Variants in CCDC88C observed in about 807,000 individuals in gnomAD.
CCDC88C encodes protein Daple.
Under a neutral mutation model 198.8 loss-of-function variants are expected in CCDC88C, and 131 were observed. That is an observed-to-expected ratio of 0.66 (90% confidence interval 0.57 to 0.76). CCDC88C has a LOEUF of 0.76. CCDC88C is among the 30% of genes least tolerant of loss of function. The pLI, the probability that CCDC88C is intolerant of heterozygous loss-of-function variation, is 0.00. For synonymous variants in CCDC88C, 1,166 were observed against 1,114.7 expected, an observed-to-expected ratio of 1.05 and a Z score of -0.92; for missense variants, 2,553 against 2,631.6, an observed-to-expected ratio of 0.97 and a Z score of 0.65.
intron 13 of CCDC88C, among the ~76,000 whole-genome samples, chr14:91,316,121 G>A (rs574566774): frequency 6.6e-6 from 1 of 152,290 alleles, no homozygotes; most frequent in East Asian, 1.9e-4. Flanking sequence ...TCCTGCCTCA[G>A]TTGGTGATGT....
At chr14:91,344,265 T>C (rs890974494) in intron 4 of CCDC88C, among the ~76,000 whole-genome samples, 8 of 152,024 alleles carry the variant, frequency 5.3e-5, no homozygotes, top group Admixed American at 1.3e-4. Flanking sequence ...AAGTACACAA[T>C]GGGAGAGAAC....
chr14:91,417,155 G>A (rs1742546), intron 1 of CCDC88C: 469,066 of 702,964 alleles, frequency 0.67, 162,364 homozygotes, highest in East Asian at 0.95. Context: ...AAATCAGTGC[G>A]CCCACCCCAG....
rs1248198414 is a variant in CCDC88C at position 91,339,810 on chromosome 14, AAGATGAAGGGAGAGG to A, written c.624+59_624+73del. 69 of 1,454,516 alleles carry A rather than the reference AAGATGAAGGGAGAGG, an allele frequency of 4.7e-5. No individual in the cohort carries two copies. In the African/African-American group the frequency reaches 7.8e-4, roughly 17 times the overall value. The allele number at this position is 1,454,516 out of a possible 1,614,324, so 90.1% of individuals were successfully genotyped here. On this transcript the variant is annotated intron_variant, in intron 7 of 29. Coordinates refer to ENST00000389857, the MANE Select transcript of CCDC88C (RefSeq NM_001080414.4). This position sits in a 1 kb window ranked among gnomAD's most constrained non-coding sequence, Gnocchi z 5.8. Reference sequence around the variant, plus strand: ...CAGCAGGACCGAGGCGTCTAGGCTGAAGATGAAGGGAGAGGAGATGAAGGGGCCTAAGCCCCTTCC... The same window carrying A: ...CAGCAGGACCGAGGCGTCTAGGCTGAAGATGAAGGGGCCTAAGCCCCTTCC...
At chr14:91,361,337 T>A (rs1038625698) in intron 3 of CCDC88C, among the ~76,000 whole-genome samples, 21 of 152,154 alleles carry the variant, frequency 1.4e-4, no homozygotes, top group African/African-American at 5.1e-4. Flanking sequence ...TGCTGCTAAC[T>A]AGCACTCGAG....
chr14:91,399,653 C>T (rs1352665581), intron 3 of CCDC88C, among the ~76,000 whole-genome samples: 1 of 152,024 alleles, frequency 6.6e-6, no homozygotes, highest in African/African-American at 2.4e-5. Context: ...GCCTGGCCAA[C>T]ACGGTGAAAC....
chr14:91,392,274 C>T (rs1885552184), intron 3 of CCDC88C, among the ~76,000 whole-genome samples: 1 of 152,112 alleles, frequency 6.6e-6, no homozygotes, highest in Admixed American at 6.5e-5. Context: ...CCCTTTCCTA[C>T]ATGCCACCCC....
intron 3 of CCDC88C, among the ~76,000 whole-genome samples, chr14:91,392,687 G>C (rs1192654041): frequency 6.6e-6 from 1 of 151,766 alleles, no homozygotes; most frequent in Admixed American, 6.5e-5. Context: ...GGCAGCACCA[G>C]GGACCCCAGC....
intron 13 of CCDC88C, among the ~76,000 whole-genome samples, chr14:91,319,371 C>A (rs1003343777): frequency 2.0e-5 from 3 of 152,232 alleles, no homozygotes; most frequent in Admixed American, 2.0e-4. Flanking sequence ...ACTCTGCTCC[C>A]AGGAAGACCT....
At chr14:91,363,882 G>A (rs978651221) in intron 3 of CCDC88C, among the ~76,000 whole-genome samples, 8 of 152,234 alleles carry the variant, frequency 5.3e-5, no homozygotes, top group African/African-American at 1.2e-4. Context: ...GGCTGCTGAC[G>A]AGGGGACCCT....
chr14:91,321,126 G>T lies in CCDC88C; in HGVS notation c.1521C>A (p.Ser507Arg). 1 of 1,608,864 alleles carries T rather than the reference G, an allele frequency of 6.2e-7. No individual in the cohort carries two copies. The highest frequency in any genetic ancestry group is 8.5e-7 in the Non-Finnish European group (1 of 1,177,474). ...GELEKENHQL[S>R]KKIEKLQTQL... Reference sequence around the variant, plus strand: ...CCTAAGGAGGCCGAGGTACCTTCTTGCTGAGCTGGTGGTTCTCCTTCTCCA... The same window carrying T: ...CCTAAGGAGGCCGAGGTACCTTCTTTCTGAGCTGGTGGTTCTCCTTCTCCA... Residue 507 changes from serine (S) to arginine (R), a missense_variant, in exon 13 of 30, where the codon AGC becomes AGA. By Grantham distance (110) the Ser-to-Arg change is moderately radical. This residue lies in a region of CCDC88C where 1,260 missense variants were observed against 1,412.0 expected (regional missense o/e 0.89). Transcript: ENST00000389857.
rs973758502 is a variant in CCDC88C at position 91,273,272 on chromosome 14, G to A, written c.5440C>T (p.Arg1814Trp). ...AFSLASADLL[R>W]ASGPEACKQE... ...TTGCAGGCCTCTGGCCCGCTGGCCCGGAGAAGGTCAGCTGAGGCCAGGCTG... is the reference window on the plus strand; with the variant it reads ...TTGCAGGCCTCTGGCCCGCTGGCCCAGAGAAGGTCAGCTGAGGCCAGGCTG... Residue 1814 changes from arginine to tryptophan, a missense_variant, in exon 30 of 30, where the codon CGG becomes TGG. This residue lies in a region of CCDC88C where 1,293 missense variants were observed against 1,219.6 expected (regional missense o/e 1.06). Coordinates refer to ENST00000389857, the MANE Select transcript of CCDC88C (RefSeq NM_001080414.4). The surrounding 1 kb of genome is among the most constrained non-coding windows in gnomAD (Gnocchi z 5.6). 24 of 1,559,346 alleles carry A rather than the reference G, an allele frequency of 1.5e-5. No homozygotes were observed. Among genetic ancestry groups the A allele is most frequent in the Middle Eastern group, 1.7e-4 (1 of 5,960 alleles).
In CCDC88C at chr14:91,318,726, T is replaced by C. The variant is rs986878143; in HGVS notation, c.1527+2394A>G. Among the ~76,000 whole-genome samples, 7 of 151,832 alleles carry C rather than the reference T, an allele frequency of 4.6e-5. No homozygotes were observed. In the East Asian group the frequency reaches 1.4e-3, roughly 30 times the overall value. ...ATCACCTGAAGTCAGGAGACCAGCC[T>C]GGCCAACATGGCGAAACCTCATCTC... On this transcript the variant is annotated intron_variant, in intron 13 of 29. Coordinates refer to ENST00000389857, the MANE Select transcript of CCDC88C (RefSeq NM_001080414.4).
At chr14:91,392,412 A>G (rs1250077244) in intron 3 of CCDC88C, among the ~76,000 whole-genome samples, 1 of 152,068 alleles carries the variant, frequency 6.6e-6, no homozygotes, top group East Asian at 1.9e-4. Context: ...AGGACACCTT[A>G]ATTAGGGCTA....
At chr14:91,384,753 G>C (rs1437558729) in intron 3 of CCDC88C, among the ~76,000 whole-genome samples, 1 of 152,150 alleles carries the variant, frequency 6.6e-6, no homozygotes, top group African/African-American at 2.4e-5. Context: ...TTGTCAATGT[G>C]CTGCGAACAA....
Position 91,352,163 on chromosome 14 carries a change from G to A in CCDC88C, c.340+7479C>T, listed in dbSNP as rs577768117. Among the ~76,000 whole-genome samples, 3 of 152,364 alleles carry A rather than the reference G, an allele frequency of 2.0e-5. No individual in the cohort carries two copies. Among genetic ancestry groups the A allele is most frequent in the East Asian group, 1.9e-4 (1 of 5,186 alleles). On this transcript the variant is annotated intron_variant, in intron 4 of 29. Transcript: ENST00000389857. The surrounding 1 kb of genome is among the most constrained non-coding windows in gnomAD (Gnocchi z 4.2). ...ATCTCTTCCCTCCTCCGCAGACGGCGGTGGCCACAGAGAGTAGGGCTGCTG... is the reference window on the plus strand; with the variant it reads ...ATCTCTTCCCTCCTCCGCAGACGGCAGTGGCCACAGAGAGTAGGGCTGCTG...
At chr14:91,275,426 G>A (rs1889912594) in intron 29 of CCDC88C, among the ~76,000 whole-genome samples, 1 of 152,034 alleles carries the variant, frequency 6.6e-6, no homozygotes, top group South Asian at 2.1e-4. Context: ...CCTTCCAGCT[G>A]TGGGCCCCCC....
chr14:91,308,430 T>G lies in CCDC88C; in HGVS notation c.2927A>C (p.Glu976Ala). The G allele has an allele frequency of 6.2e-7, 1 of 1,614,034 alleles. No individual in the cohort carries two copies. The highest frequency in any genetic ancestry group is 1.3e-5 in the African/African-American group (1 of 75,060). The change falls in exon 17 of 30, where the codon GAA becomes GCA. Residue 976 changes from glutamate to alanine, a missense_variant. Coordinates refer to ENST00000389857, the MANE Select transcript of CCDC88C (RefSeq NM_001080414.4). The part of the protein sequence containing the change: ...SALKTTLAMK[E>A]EKIVLLEAQM... ...TGCTTCTAAGAGCACAATCTTTTCT[T>G]CTTTCATGGCTAGTGTTGTTTTTAA...
At chr14:91,405,652 G>A (rs1246297032) in intron 3 of CCDC88C, among the ~76,000 whole-genome samples, 2 of 152,150 alleles carry the variant, frequency 1.3e-5, no homozygotes, top group Non-Finnish European at 2.9e-5. Context: ...AAACGTTAAC[G>A]GCGATTGTCT....
chr14:91,345,190 A>ATATATATTTTTTT (rs1246878587), intron 4 of CCDC88C, among the ~76,000 whole-genome samples: 3 of 52,200 alleles, frequency 5.7e-5, no homozygotes, highest in African/African-American at 2.4e-4. Context: ...ATATATATAT[A>ATATATATTTTTTT]TTTTTTTTTT....
Sources: gnomAD v4.1 joint callset for allele counts (sites outside exome capture counted in the v4.1 genomes callset) on GRCh38, gnomAD v4.1.1 for gene constraint, gnomAD v4.1.1 regional missense constraint, Gnocchi (gnomAD v3.1) non-coding constraint, MANE v1.5 for transcripts, NCBI Gene and HGNC (gene_info 2026-07-23, HGNC 2026-07-21) for gene names.